Variants in MPST observed in about 807,000 individuals in gnomAD.
The protein encoded by MPST is mercaptopyruvate sulfurtransferase.
A neutral mutation model predicts 28.5 loss-of-function variants in MPST; 27 were observed. The observed-to-expected ratio is 0.95, with a 90% CI of 0.70 to 1.31. MPST has a LOEUF of 1.31. Ranked by LOEUF, MPST falls within the 50% of genes most tolerant of loss-of-function variation. The pLI is 0.00. For synonymous variants in MPST, 204 were observed against 209.3 expected (o/e 0.97, Z 0.22); for missense variants, 492 against 471.1 (o/e 1.04, Z -0.41).
At position 37,019,812 on chromosome 22, in the gene MPST, G is replaced by T. The variant is rs1601451912; in HGVS notation, c.-25G>T. 1 of 1,164,754 alleles carries T rather than the reference G, an allele frequency of 8.6e-7. No individual in the cohort carries two copies. Among genetic ancestry groups the T allele is most frequent in the Non-Finnish European group, 1.1e-6 (1 of 926,116 alleles). 72.2% of individuals were successfully genotyped at this position (1,164,754 alleles called of 1,614,324 possible). ...AGGAGGGGACAGCTGCGGGCGCGGG[G>T]AGGGGGCGCCGCGCCGCGGGGGCCA... On this transcript the variant is annotated 5_prime_UTR_variant, in exon 1 of 3. Coordinates refer to ENST00000429360, the MANE Select transcript of MPST (RefSeq NM_021126.8).
chr22:37,024,857 A>G (rs1451654932), intron 2 of MPST, 47 bp downstream of exon 2: 1 of 1,585,662 alleles, frequency 6.3e-7, no homozygotes, highest in Non-Finnish European at 8.6e-7. Flanking sequence ...CGCGGCCTCT[A>G]CGCCCTGAGC....
intron 1 of MPST, chr22:37,023,861 G>T: frequency 7.0e-7 from 1 of 1,434,008 alleles, no homozygotes. Context: ...GCCCCTGTTT[G>T]TGCCTTGAAG....
intron 2 of MPST, chr22:37,025,160 G>A (rs995258553): frequency 3.0e-6 from 4 of 1,335,698 alleles, no homozygotes; most frequent in Admixed American, 2.4e-5. Flanking sequence ...CACTTGCCTC[G>A]GTGACTTTGT....
intron 1 of MPST, 27 bp from the exon 2 acceptor site, chr22:37,024,165 C>T: frequency 1.5e-6 from 2 of 1,371,030 alleles, no homozygotes; most frequent in Non-Finnish European, 1.9e-6. Flanking sequence ...TCCCTGCTTC[C>T]CTTCTGACAT....
intron 2 of MPST, chr22:37,028,608 G>C (rs1369740807): frequency 6.6e-6 from 1 of 152,230 alleles, no homozygotes; most frequent in African/African-American, 2.4e-5. Context: ...AGCCCCTCGG[G>C]GGGAAGCTGA....
rs1923761934 is a variant in MPST at position 37,029,519 on chromosome 22, G to A, written c.*5G>A. On this transcript the variant is annotated 3_prime_UTR_variant, in exon 3 of 3. Coordinates refer to ENST00000429360, the MANE Select transcript of MPST (RefSeq NM_021126.8). Reference sequence around the variant, plus strand: ...GGCCGGGGGAAGACCCACTGAAGCTGGGCAGGACACAGGCGAGCTCAGGTG... The same window carrying A: ...GGCCGGGGGAAGACCCACTGAAGCTAGGCAGGACACAGGCGAGCTCAGGTG... 2 of 1,596,500 alleles carry A rather than the reference G, an allele frequency of 1.3e-6. No homozygotes were observed. The highest frequency in any genetic ancestry group is 2.7e-5 in the African/African-American group (2 of 74,520).
intron 1 of MPST, among the ~76,000 whole-genome samples, chr22:37,021,690 C>T (rs1923086276): frequency 6.6e-6 from 1 of 152,088 alleles, no homozygotes; most frequent in African/African-American, 2.4e-5. Flanking sequence ...TCAGGCTGGT[C>T]TTGAACTCTT....
intron 2 of MPST, 169 bp downstream of exon 2, chr22:37,024,979 C>T: frequency 6.7e-7 from 1 of 1,497,328 alleles, no homozygotes; most frequent in South Asian, 1.2e-5. Context: ...CCCCTTTTCC[C>T]TACCCTTGCC....
At chr22:37,025,312 G>T in intron 2 of MPST, 1 of 476,144 alleles carries the variant, frequency 2.1e-6, no homozygotes. Flanking sequence ...GAATGTTGGG[G>T]GGCAGGCCCC....
chr22:37,027,355 A>G (rs1378283810), intron 2 of MPST: 1 of 152,168 alleles, frequency 6.6e-6, no homozygotes, highest in Non-Finnish European at 1.5e-5. Context: ...GAAAACAAAA[A>G]ACACCCTGGG....
At chr22:37,025,179 C>T (rs1019423280) in intron 2 of MPST, 2 of 1,292,056 alleles carry the variant, frequency 1.5e-6, no homozygotes, top group Admixed American at 2.5e-5. Context: ...GTCTGTTAAG[C>T]AGAACCATAA....
Position 37,029,444 on chromosome 22 carries a change from C to T in MPST, c.884C>T (p.Ser295Phe). 6.2e-7 allele frequency: 1 copy of T among 1,613,652 alleles called. No homozygotes were observed. The highest frequency in any genetic ancestry group is 8.5e-7 in the Non-Finnish European group (1 of 1,180,000). The change falls in exon 3 of 3, where the codon TCC (serine) becomes TTC (phenylalanine). Residue 295 changes from serine to phenylalanine, a missense_variant. Physicochemically the swap from Ser to Phe is radical, Grantham distance 155. Transcript: ENST00000429360. ...GKPDVPIYDG[S>F]WVEWYMRARP... ...CCAGACGTGCCCATCTACGATGGCT[C>T]CTGGGTGGAGTGGTACATGCGCGCC...
At position 37,029,650 on chromosome 22, in the gene MPST, C is replaced by T. The variant is rs1434644800; in HGVS notation, c.*136C>T. On this transcript the variant is annotated 3_prime_UTR_variant, in exon 3 of 3. Transcript: ENST00000429360. ...GGCATTTGGGGTGACATCTCAAAGG[C>T]CAGGAATTCCGTTGACTTGTTGGCT... 2.2e-6 allele frequency: 2 copies of T among 927,268 alleles called. No individual in the cohort carries two copies. The highest frequency in any genetic ancestry group is 1.7e-5 in the African/African-American group (1 of 60,082). The allele number at this position is 927,268 out of a possible 1,614,324, so 57.4% of individuals were successfully genotyped here. A position where few individuals can be genotyped will look rare whatever the true frequency, so the allele number is the denominator to read the frequency against.
At chr22:37,025,101 C>A in intron 2 of MPST, 3 of 1,475,654 alleles carry the variant, frequency 2.0e-6, no homozygotes, top group Non-Finnish European at 1.8e-6. Flanking sequence ...CTCAGCCTGA[C>A]CTTGCCTTTA....
In MPST at chr22:37,024,191, G is replaced by A; in HGVS notation, c.37-1G>A. Reference sequence around the variant, plus strand: ...CTTCTGACATCCTCCCTGTCGCCCAGGCCCGCAGCCCGAGTGTCGCCGCCA... The same window carrying A: ...CTTCTGACATCCTCCCTGTCGCCCAAGCCCGCAGCCCGAGTGTCGCCGCCA... On this transcript the variant is annotated splice_acceptor_variant, in intron 1 of 2. Coordinates refer to ENST00000429360, the MANE Select transcript of MPST (RefSeq NM_021126.8). LOFTEE classifies it high-confidence loss of function. The A allele has an allele frequency of 7.3e-7, 1 of 1,376,178 alleles. No individual in the cohort carries two copies. The highest frequency in any genetic ancestry group is 9.3e-7 in the Non-Finnish European group (1 of 1,072,766). The allele number at this position is 1,376,178 out of a possible 1,614,324, so 85.2% of individuals were successfully genotyped here. A position where few individuals can be genotyped will look rare whatever the true frequency, so the allele number is the denominator to read the frequency against.
At chr22:37,022,452 C>T (rs989036358) in intron 1 of MPST, among the ~76,000 whole-genome samples, 4 of 152,182 alleles carry the variant, frequency 2.6e-5, no homozygotes, top group African/African-American at 4.8e-5. Flanking sequence ...AAGGCCTGAC[C>T]GCATGGGTGA....
At position 37,024,597 on chromosome 22, in the gene MPST, C is replaced by T. The variant is rs371726553; in HGVS notation, c.442C>T (p.Leu148Phe). ...RAFGHHAVSL[L>F]DGGLRHWLRQ... ...CTTCGGCCACCACGCCGTGTCACTG[C>T]TTGATGGCGGCCTCCGCCACTGGCT... is the stretch of plus-strand genomic sequence containing the variant. The change falls in exon 2 of 3, where the codon CTT becomes TTT. Residue 148 changes from leucine (L) to phenylalanine (F), a missense_variant. By Grantham distance (22) the Leu-to-Phe change is conservative. Coordinates refer to ENST00000429360, the MANE Select transcript of MPST (RefSeq NM_021126.8). 1.1e-5 allele frequency: 17 copies of T among 1,595,746 alleles called. No homozygotes were observed. In the African/African-American group the frequency reaches 1.1e-4, roughly 10 times the overall value.
chr22:37,022,817 C>T (rs1246444243), intron 1 of MPST, among the ~76,000 whole-genome samples: 4 of 152,244 alleles, frequency 2.6e-5, no homozygotes, highest in Non-Finnish European at 5.9e-5. Context: ...GGTTGGGCCT[C>T]ACACAGGGGA....
At chr22:37,028,645 G>A (rs1342330464) in intron 2 of MPST, 2 of 153,028 alleles carry the variant, frequency 1.3e-5, no homozygotes, top group African/African-American at 4.8e-5. Flanking sequence ...GAGCCCAGGA[G>A]GTTGAGGCTG....
Sources: allele counts gnomAD v4.1 joint callset (sites outside exome capture counted in the v4.1 genomes callset), GRCh38; gene constraint gnomAD v4.1.1; transcripts MANE v1.5; gene names NCBI Gene and HGNC (gene_info 2026-07-23, HGNC 2026-07-21).